Variants in NPC1 observed in about 807,000 individuals in gnomAD.
The protein encoded by NPC1 is NPC intracellular cholesterol transporter 1.
In NPC1, 85 loss-of-function variants were observed where a neutral mutation model predicts 140.4. The ratio of observed to expected loss-of-function variants is 0.61; its 90% CI spans 0.51 to 0.72. NPC1 has a LOEUF of 0.72. Ranked by LOEUF, NPC1 falls within the 30% of genes least tolerant of loss-of-function variation. The probability of loss-of-function intolerance (pLI) is 0.00; values close to 1 mark genes in which losing one functional copy is unlikely to be tolerated. For missense variants in NPC1, 1,504 were observed against 1,623.8 expected (o/e 0.93, Z 1.27); for synonymous variants, 656 against 624.8 (o/e 1.05, Z -0.74).
chr18:23,520,255 C>T (rs775269615), downstream of NPC1: 3 of 1,614,024 alleles, frequency 1.9e-6, no homozygotes, highest in African/African-American at 4.0e-5. Context: ...GCTCCGTTAC[C>T]TTCCACCACC....
At chr18:23,546,449 A>G (rs1440051670) in intron 11 of NPC1, among the ~76,000 whole-genome samples, 3 of 152,076 alleles carry the variant, frequency 2.0e-5, no homozygotes, top group African/African-American at 7.2e-5. Context: ...ACTTTGGAAA[A>G]CAGTCTGGCA....
Position 23,573,569 on chromosome 18 carries a change from AAACACCTACAGAAAGTC to A in NPC1, c.58-12_62del, listed in dbSNP as rs1179689133. 6.2e-7 allele frequency: 1 copy of A among 1,614,194 alleles called. No individual in the cohort carries two copies. Among genetic ancestry groups the A allele is most frequent in the African/African-American group, 1.3e-5 (1 of 75,060 alleles). On this transcript the variant is annotated splice_acceptor_variant and splice_polypyrimidine_tract_variant and coding_sequence_variant and intron_variant, in exon 2 of 25. Coordinates refer to ENST00000269228, the MANE Select transcript of NPC1 (RefSeq NM_000271.5). LOFTEE classifies it high-confidence loss of function. ...CTCCATACCAAACACAGGACTGTGA[AAACACCTACAGAAAGTC>A]AACACAAACTTCAGTGTTACCAGGG... is the stretch of plus-strand genomic sequence containing the variant.
chr18:23,561,608 G>A, intron 4 of NPC1, 81 bp from the exon 5 acceptor site: 3 of 1,412,216 alleles, frequency 2.1e-6, no homozygotes, highest in Non-Finnish European at 3.0e-6. Context: ...AAGGCCTCTT[G>A]AAGGGAAACA....
At chr18:23,542,973 T>C (rs906277202) in intron 14 of NPC1, among the ~76,000 whole-genome samples, 3 of 152,308 alleles carry the variant, frequency 2.0e-5, no homozygotes, top group African/African-American at 7.2e-5. Context: ...CCTAAGTTAC[T>C]GCTGCCAATT....
At chr18:23,577,927 G>A (rs2059310822) in intron 1 of NPC1, among the ~76,000 whole-genome samples, 1 of 152,236 alleles carries the variant, frequency 6.6e-6, no homozygotes, top group South Asian at 2.1e-4. Context: ...TGCTCCGAGT[G>A]TGGGGCCCAC....
chr18:23,564,398 G>A (rs917928208), intron 4 of NPC1, among the ~76,000 whole-genome samples: 2 of 151,928 alleles, frequency 1.3e-5, no homozygotes, highest in Non-Finnish European at 2.9e-5. Flanking sequence ...GCTGGAGTGC[G>A]AGGTACTTAG....
chr18:23,516,142 G>T, intron 3 of NPC1: 1 of 1,357,862 alleles, frequency 7.4e-7, no homozygotes. Flanking sequence ...CTGTATACCC[G>T]TCAGCTCCTG....
At chr18:23,527,081 T>C (rs533009231), downstream of NPC1, among the ~76,000 whole-genome samples, 2 of 152,134 alleles carry the variant, frequency 1.3e-5, no homozygotes, top group Admixed American at 1.3e-4. Context: ...ATATGTGTCT[T>C]CTTTAAGAAT....
chr18:23,575,598 C>T (rs1451963130), intron 1 of NPC1, among the ~76,000 whole-genome samples: 1 of 151,926 alleles, frequency 6.6e-6, no homozygotes, highest in African/African-American at 2.4e-5. Context: ...CAGAGCACCA[C>T]GCAATCAAAT....
chr18:23,549,032 T>C (rs1036742753), intron 10 of NPC1, among the ~76,000 whole-genome samples: 12 of 152,274 alleles, frequency 7.9e-5, no homozygotes, highest in African/African-American at 2.9e-4. Flanking sequence ...CAAGCAATCC[T>C]CCTGCTTTGC....
At chr18:23,543,342 AAAAAG>A in intron 14 of NPC1, 108 bp downstream of exon 14, 1 of 700,360 alleles carries the variant, frequency 1.4e-6, no homozygotes, top group Non-Finnish European at 2.5e-6. Context: ...GAAAAAAAAA[AAAAAG>A]AAAAAAAAAA....
chr18:23,516,423 T>C (rs978826640), intron 3 of NPC1: 6 of 1,613,208 alleles, frequency 3.7e-6, no homozygotes, highest in Non-Finnish European at 5.1e-6. Flanking sequence ...ATGGCTACCA[T>C]GTATGTCCGT....
Position 23,551,828 on chromosome 18 carries a change from C to G in NPC1, c.1554-101G>C, listed in dbSNP as rs1213017312. 3.6e-6 allele frequency: 3 copies of G among 839,076 alleles called. No individual in the cohort carries two copies. In the African/African-American group the frequency reaches 5.0e-5, roughly 14 times the overall value. The allele number at this position is 839,076 out of a possible 1,614,324, so 52.0% of individuals were successfully genotyped here. Reference sequence around the variant, plus strand: ...AACATTTGATGAGGCTGGCTGTATTCTAAGGACAACATGGGCCCTGAGGTT... The same window carrying G: ...AACATTTGATGAGGCTGGCTGTATTGTAAGGACAACATGGGCCCTGAGGTT... On this transcript the variant is annotated intron_variant, in intron 9 of 24. Coordinates refer to ENST00000269228, the MANE Select transcript of NPC1 (RefSeq NM_000271.5).
intron 9 of NPC1, among the ~76,000 whole-genome samples, chr18:23,552,412 A>AAT (rs1448022578): frequency 6.6e-6 from 1 of 152,240 alleles, no homozygotes; most frequent in African/African-American, 2.4e-5. Flanking sequence ...ACAAATGCAA[A>AAT]ATAAAAGGAC....
intron 3 of NPC1, among the ~76,000 whole-genome samples, chr18:23,514,787 TAAAAAG>T (rs990645284): frequency 3.9e-5 from 6 of 152,072 alleles, no homozygotes; most frequent in Admixed American, 6.6e-5. Flanking sequence ...AGAAAAAAGT[TAAAAAG>T]AAAGAAGACT....
chr18:23,512,036 T>TC lies in NPC1; in HGVS notation c.432-5395dup, dbSNP rs1387069979. On this transcript the variant is annotated intron_variant, in intron 3 of 3. Transcript: ENST00000591107. ...AAAGACTTTTTTTTTTTTTTTTTTT[T>TC]CTGAGACAGAGTCTCACTCCGTCGC... Among the ~76,000 whole-genome samples, 29 of 137,456 alleles carry TC rather than the reference T, an allele frequency of 2.1e-4. 1 individual carries two copies. Among genetic ancestry groups the TC allele is most frequent in the African/African-American group, 4.7e-4 (17 of 36,412 alleles). The allele number at this position is 137,456 out of a possible 152,430, so 90.2% of individuals were successfully genotyped here.
downstream of NPC1, among the ~76,000 whole-genome samples, chr18:23,526,269 A>G (rs2058295115): frequency 6.6e-6 from 1 of 152,242 alleles, no homozygotes. Flanking sequence ...ACTGAAGTTG[A>G]TGCCACGTGT....
intron 22 of NPC1, 107 bp from the exon 23 acceptor site, chr18:23,534,666 A>G: frequency 3.6e-6 from 3 of 840,246 alleles, no homozygotes; most frequent in East Asian, 2.6e-5. Context: ...CCTGGGTGCT[A>G]GAGGAGGCCA....
chr18:23,557,015 G>A, intron 7 of NPC1, 102 bp downstream of exon 7: 3 of 975,172 alleles, frequency 3.1e-6, no homozygotes, highest in South Asian at 1.3e-5. Context: ...CTCGGCACTG[G>A]CACACCACCT....
Sources: allele counts gnomAD v4.1 joint callset (sites outside exome capture counted in the v4.1 genomes callset), GRCh38; gene constraint gnomAD v4.1.1; transcripts MANE v1.5; gene names NCBI Gene and HGNC (gene_info 2026-07-23, HGNC 2026-07-21).